MYH11: variants seen among roughly 807,000 people sequenced by gnomAD.
MYH11 encodes myosin-11.
In MYH11, 80 loss-of-function variants were observed where a neutral mutation model predicts 246.6. The ratio of observed to expected loss-of-function variants is 0.32; its 90% confidence interval spans 0.27 to 0.39. The LOEUF is 0.39. Ranked by LOEUF, MYH11 falls within the 10% of genes least tolerant of loss-of-function variation. The probability of loss-of-function intolerance (pLI) is 1.00; values close to 1 mark genes in which losing one functional copy is unlikely to be tolerated. For missense variants in MYH11, 2,158 were observed against 2,546.8 expected (o/e 0.85, Z 3.29); for synonymous variants, 1,071 against 1,015.5 (o/e 1.05, Z -1.04).
intron 36 of MYH11, 67 bp downstream of exon 36, chr16:15,719,153 G>C: frequency 1.4e-6 from 2 of 1,465,284 alleles, no homozygotes; most frequent in Non-Finnish European, 1.9e-6. Flanking sequence ...ATAAAATGGG[G>C]GTCGAGGATG....
At chr16:15,844,494 G>A (rs1007971704) in intron 1 of MYH11, among the ~76,000 whole-genome samples, 25 of 151,982 alleles carry the variant, frequency 1.6e-4, no homozygotes, top group Admixed American at 1.4e-3. Context: ...CACCACGCTC[G>A]GCCAGTACTC....
At position 15,717,133 on chromosome 16, in the gene MYH11, C is replaced by T. The variant is rs529718944; in HGVS notation, c.5504+7G>A. 48 of 1,614,132 alleles carry T rather than the reference C, an allele frequency of 3.0e-5. 1 individual carries two copies. The highest frequency in any genetic ancestry group is 2.1e-4 in the South Asian group (19 of 91,088). On this transcript the variant is annotated splice_region_variant and intron_variant, in intron 38 of 40. Coordinates refer to ENST00000300036, the MANE Select transcript of MYH11 (RefSeq NM_002474.3). ...CAAACTGGGTTCGGAACTCCACACC[C>T]GCATACCTGGCCTCCTGCTCGACCT...
Position 15,745,159 on chromosome 16 carries a change from C to T in MYH11, c.2490G>A (p.Arg830=), listed in dbSNP as rs1555559592. The change falls in exon 20 of 41, where the codon CGG becomes CGA. Residue 830 remains arginine, a synonymous_variant. Coordinates refer to ENST00000300036, the MANE Select transcript of MYH11 (RefSeq NM_002474.3). ...TGAAAAGCCTCCACCACTGCCAGTT[C>T]CGCAGCTTGAGGTAGGCGGCGCAGT... ...QRNCAAYLKL[R]NWQWWRLFTK... 2 of 1,614,180 alleles carry T rather than the reference C, an allele frequency of 1.2e-6. No individual in the cohort carries two copies. Among genetic ancestry groups the T allele is most frequent in the Non-Finnish European group, 1.7e-6 (2 of 1,180,034 alleles).
rs1297275933 is a variant in MYH11 at position 15,724,871 on chromosome 16, T to A, written c.3963+17A>T. The A allele has an allele frequency of 6.8e-6, 11 of 1,613,746 alleles. No homozygotes were observed. The highest frequency in any genetic ancestry group is 2.2e-5 in the East Asian group (1 of 44,858). On this transcript the variant is annotated intron_variant, in intron 29 of 40. Transcript: ENST00000300036. ...GCCACCCCCCAGGTCCCCTGGATGA[T>A]GTGGCAGGACACTCACCTGGGTGTC...
intron 9 of MYH11, among the ~76,000 whole-genome samples, chr16:15,769,003 TCAAAC>T (rs1407025590): frequency 6.7e-6 from 1 of 148,312 alleles, no homozygotes; most frequent in Non-Finnish European, 1.5e-5. Context: ...CCTCCAAAAA[TCAAAC>T]CAAAACAAAA....
At chr16:15,751,142 T>TTA (rs2041557302) in intron 15 of MYH11, among the ~76,000 whole-genome samples, 1 of 148,620 alleles carries the variant, frequency 6.7e-6, no homozygotes, top group South Asian at 2.1e-4. Flanking sequence ...ATTATTATTA[T>TTA]TATTATTATT....
Position 15,757,865 on chromosome 16 carries a change from G to A in MYH11, c.1537C>T (p.Leu513=), listed in dbSNP as rs779436531. 3 of 1,614,208 alleles carry A rather than the reference G, an allele frequency of 1.9e-6. No homozygotes were observed. The South Asian group carries it at 3.3e-5, about 18-fold the overall frequency. Residue 513 remains leucine, a synonymous_variant, in exon 13 of 41, where the codon CTG becomes TTG. Transcript: ENST00000300036. ...AGCTCGATGCAGGGCTGTAGGTCCA[G>A]CCCAAAGTCGATGAAGTTCCACTCG... is the stretch of plus-strand genomic sequence containing the variant. ...GIEWNFIDFG[L]DLQPCIELIE...
intron 4 of MYH11, among the ~76,000 whole-genome samples, chr16:15,790,339 C>CA (rs200092088): frequency 0.16 from 22,473 of 137,366 alleles, 2,006 homozygotes; most frequent in South Asian, 0.31. Flanking sequence ...AACAGACAGA[C>CA]AAAAAAAAAA....
chr16:15,778,084 C>T (rs541336431), intron 7 of MYH11, among the ~76,000 whole-genome samples: 5 of 152,276 alleles, frequency 3.3e-5, no homozygotes, highest in South Asian at 2.1e-4. Flanking sequence ...GCCCTAGGGC[C>T]GCCTGCAAAG....
chr16:15,780,875 G>T (rs1385616595), intron 6 of MYH11, among the ~76,000 whole-genome samples: 2 of 152,170 alleles, frequency 1.3e-5, no homozygotes, highest in Non-Finnish European at 2.9e-5. Context: ...CTCTAGAGAA[G>T]ATTGTTCTTT....
At chr16:15,741,006 A>G (rs1567717898) in intron 22 of MYH11, 3 of 301,212 alleles carry the variant, frequency 1.0e-5, no homozygotes, top group African/African-American at 4.3e-5. Flanking sequence ...GAATAAGCCA[A>G]GTAGAAGTGG....
chr16:15,841,223 C>T (rs922169622), intron 1 of MYH11, among the ~76,000 whole-genome samples: 1 of 152,202 alleles, frequency 6.6e-6, no homozygotes, highest in African/African-American at 2.4e-5. Flanking sequence ...ACTGCAACCT[C>T]TGCCTCTGGG....
chr16:15,833,979 T>C (rs966950943), intron 2 of MYH11, among the ~76,000 whole-genome samples: 3 of 152,222 alleles, frequency 2.0e-5, no homozygotes, highest in African/African-American at 7.2e-5. Flanking sequence ...ATCTAATCTG[T>C]CCAGAGAAGC....
intron 26 of MYH11, among the ~76,000 whole-genome samples, chr16:15,734,158 A>C (rs2041047720): frequency 6.6e-6 from 1 of 152,228 alleles, no homozygotes. Context: ...AATCTGATCA[A>C]TTTTATTTTT....
chr16:15,768,345 AT>A (rs1478678580), intron 9 of MYH11, among the ~76,000 whole-genome samples: 1 of 152,136 alleles, frequency 6.6e-6, no homozygotes, highest in Non-Finnish European at 1.5e-5. Flanking sequence ...GCATGAGGAT[AT>A]CTTGAGGCCA....
rs373920725 is a variant in MYH11, at chr16:15,741,871, C to T, written c.2541G>A (p.Val847=). The part of the protein sequence containing the change: ...LFTKVKPLLQ[V]TRQEEEMQAK... ...CCTGCATCTCCTCCTCCTGCCGTGT[C>T]ACCTGCAGCAGTGGCTTCACCTGCA... Residue 847 remains valine (V), a synonymous_variant, in exon 21 of 41, where the codon GTG becomes GTA. Transcript: ENST00000300036. The T allele has an allele frequency of 2.5e-4, 407 of 1,614,118 alleles. No homozygotes were observed. Among genetic ancestry groups the T allele is most frequent in the Non-Finnish European group, 3.2e-4 (375 of 1,180,052 alleles).
chr16:15,717,441 C>CCCGGGATCAAGGG, intron 37 of MYH11, 93 bp from the exon 38 acceptor site: 2 of 1,343,780 alleles, frequency 1.5e-6, no homozygotes, highest in Non-Finnish European at 2.1e-6. Context: ...TTGGCCTCTG[C>CCCGGGATCAAGGG]ACGAGTCCCT....
chr16:15,771,728 G>A lies in MYH11; in HGVS notation c.890-16C>T, dbSNP rs779491842. ...AGCAAGTCACCTAGAAGGAGAGGAA[G>A]ACAGGTCAGGGTCAATAAGACATAC... On this transcript the variant is annotated splice_polypyrimidine_tract_variant and intron_variant, in intron 8 of 40. Transcript: ENST00000300036. 1.5e-5 allele frequency: 24 copies of A among 1,613,986 alleles called. No homozygotes were observed. The highest frequency in any genetic ancestry group is 1.7e-5 in the Non-Finnish European group (20 of 1,179,890).
At position 15,784,647 on chromosome 16, in the gene MYH11, G is replaced by A. The variant is rs907912466; in HGVS notation, c.633+1983C>T. 16 of 1,606,782 alleles carry A rather than the reference G, an allele frequency of 1.0e-5. No individual in the cohort carries two copies. In the African/African-American group the frequency reaches 1.6e-4, roughly 16 times the overall value. ...GTGCAAGAGGATCATGCAGATCTAA[G>A]TTCACTCCGTGCCTCCCCTACACAC... is the stretch of plus-strand genomic sequence containing the variant. On this transcript the variant is annotated intron_variant, in intron 5 of 40. Coordinates refer to ENST00000300036, the MANE Select transcript of MYH11 (RefSeq NM_002474.3).
Sources: gnomAD v4.1 joint callset for allele counts (sites outside exome capture counted in the v4.1 genomes callset) on GRCh38, gnomAD v4.1.1 for gene constraint, MANE v1.5 for transcripts, NCBI Gene and HGNC (gene_info 2026-07-23, HGNC 2026-07-21) for gene names.